The following GPC4 variants were observed in gnomAD, a reference collection of about 807,000 sequenced individuals.
GPC4 encodes glypican 4, also known as glypican-4.
Under a neutral mutation model 35.0 loss-of-function variants are expected in GPC4, and 10 were observed. That is an observed-to-expected ratio of 0.29 (90% confidence interval 0.18 to 0.48). The LOEUF (loss-of-function observed/expected upper bound fraction) is 0.48. Ranked by LOEUF, GPC4 falls within the 20% of genes least tolerant of loss-of-function variation. The pLI is 0.99. For missense variants in GPC4, 322 were observed against 451.3 expected, an observed-to-expected ratio of 0.71 and a Z score of 2.60; for synonymous variants, 167 against 170.2, an observed-to-expected ratio of 0.98 and a Z score of 0.15.
intron 1 of GPC4, among the ~76,000 whole-genome samples, chrX:133,404,479 G>A (rs767876406): frequency 9.7e-5 from 10 of 103,230 alleles, no homozygotes; most frequent in Admixed American, 6.3e-4. Context: ...CCCGGGAGGC[G>A]GAGGTTGCAG....
At chrX:133,314,510 T>G (rs2068328484) in intron 3 of GPC4, among the ~76,000 whole-genome samples, 1 of 111,767 alleles carries the variant, frequency 8.9e-6, no homozygotes, top group African/African-American at 3.3e-5. Context: ...TGGCTCATGC[T>G]CTGTACATGA....
chrX:133,304,608 G>T, intron 7 of GPC4, 117 bp downstream of exon 7: 1 of 854,772 alleles, frequency 1.2e-6, no homozygotes, highest in South Asian at 2.3e-5. Flanking sequence ...CCATGTTGTT[G>T]CTACCTACTG....
chrX:133,372,341 A>G (rs905061043), intron 1 of GPC4, among the ~76,000 whole-genome samples: 1 of 108,827 alleles, frequency 9.2e-6, no homozygotes, highest in African/African-American at 3.3e-5. Context: ...ATGTATCCTT[A>G]GGGGCTCCTT....
At chrX:133,307,076 C>CA (rs1166555115) in intron 4 of GPC4, among the ~76,000 whole-genome samples, 1 of 112,085 alleles carries the variant, frequency 8.9e-6, no homozygotes, top group Non-Finnish European at 1.9e-5. Flanking sequence ...AAGGATGCTT[C>CA]ATTAACGACA....
rs779837183 is a variant in GPC4 at position 133,300,565 on chromosome X, T to C, written c.*2302A>G. The stretch of plus-strand genomic sequence containing the variant: ...CAGACCTGAATGGAAAAATCTATGA[T>C]TTGTTTATTTCATAGTTGAAGTTCA... On this transcript the variant is annotated 3_prime_UTR_variant, in exon 9 of 9. Coordinates refer to ENST00000370828, the MANE Select transcript of GPC4 (RefSeq NM_001448.3). The C allele has an allele frequency of 9.2e-4, 103 of 112,078 alleles. No individual in the cohort carries two copies. The highest frequency in any genetic ancestry group is 3.1e-3 in the African/African-American group (96 of 30,908). 9.2% of individuals were successfully genotyped at this position (112,078 alleles called of 1,213,427 possible).
At chrX:133,370,057 C>T (rs965281405) in intron 1 of GPC4, among the ~76,000 whole-genome samples, 2 of 112,168 alleles carry the variant, frequency 1.8e-5, no homozygotes, top group East Asian at 2.8e-4. Context: ...CAAGCCAGTA[C>T]ATATGAAAAT....
At chrX:133,331,934 A>G (rs1212428493) in intron 2 of GPC4, among the ~76,000 whole-genome samples, 2 of 110,768 alleles carry the variant, frequency 1.8e-5, no homozygotes, top group Non-Finnish European at 3.8e-5. Flanking sequence ...TTGTTCCCCC[A>G]GATATTTCAG....
chrX:133,310,899 T>G (rs2068311710), intron 4 of GPC4, among the ~76,000 whole-genome samples: 1 of 109,838 alleles, frequency 9.1e-6, no homozygotes, highest in African/African-American at 3.3e-5. Flanking sequence ...GGGCTGAGGG[T>G]GAGAGGATCG....
intron 1 of GPC4, among the ~76,000 whole-genome samples, chrX:133,347,714 G>A (rs2068499845): frequency 9.0e-6 from 1 of 111,389 alleles, no homozygotes. Flanking sequence ...GTGGGGGGAC[G>A]TGTACATTAA....
intron 2 of GPC4, among the ~76,000 whole-genome samples, chrX:133,330,303 C>G (rs977643378): frequency 3.6e-5 from 4 of 111,122 alleles, no homozygotes; most frequent in African/African-American, 1.3e-4. Flanking sequence ...GTAAATGCTA[C>G]AAATCATACC....
At chrX:133,313,026 CAG>C (rs1314053782) in intron 3 of GPC4, among the ~76,000 whole-genome samples, 2 of 112,030 alleles carry the variant, frequency 1.8e-5, no homozygotes, top group African/African-American at 6.5e-5. Context: ...GAGTCAGTAT[CAG>C]AGGATTAGTG....
chrX:133,379,435 T>C (rs2068650694), intron 1 of GPC4, among the ~76,000 whole-genome samples: 1 of 111,967 alleles, frequency 8.9e-6, no homozygotes, highest in South Asian at 3.7e-4. Context: ...AGAAGTGGTG[T>C]CTTAATGGGT....
chrX:133,365,408 G>A (rs2068585557), intron 1 of GPC4, among the ~76,000 whole-genome samples: 1 of 111,872 alleles, frequency 8.9e-6, no homozygotes, highest in Non-Finnish European at 1.9e-5. Flanking sequence ...AGATAAAAAT[G>A]AGCACATTCT....
At chrX:133,405,648 G>A (rs2068784325) in intron 1 of GPC4, among the ~76,000 whole-genome samples, 2 of 111,674 alleles carry the variant, frequency 1.8e-5, no homozygotes, top group African/African-American at 6.5e-5. Context: ...AGTCTTACCT[G>A]CCTCTAACAC....
In GPC4 at chrX:133,414,489, T is replaced by C. The variant is rs1345625668; in HGVS notation, c.160+317A>G. 16 of 750,818 alleles carry C rather than the reference T, an allele frequency of 2.1e-5. No homozygotes were observed. In the African/African-American group the frequency reaches 3.8e-4, roughly 18 times the overall value. The allele number at this position is 750,818 out of a possible 1,213,427, so 61.9% of individuals were successfully genotyped here. ...TTGAGGGCCACAGTCCTCAGGGGCTTCCCGGGACGGCGAATAATGCAGGGG... is the reference window on the plus strand; with the variant it reads ...TTGAGGGCCACAGTCCTCAGGGGCTCCCCGGGACGGCGAATAATGCAGGGG... On this transcript the variant is annotated intron_variant, in intron 1 of 8. Transcript: ENST00000370828.
At chrX:133,384,379 G>GT (rs1186127566) in intron 1 of GPC4, among the ~76,000 whole-genome samples, 2 of 110,606 alleles carry the variant, frequency 1.8e-5, no homozygotes, top group Non-Finnish European at 3.8e-5. Flanking sequence ...AAAAAAAGTT[G>GT]TTTCCCCTGA....
At chrX:133,398,091 C>T (rs750953376) in intron 1 of GPC4, among the ~76,000 whole-genome samples, 1 of 111,657 alleles carries the variant, frequency 9.0e-6, no homozygotes, top group Admixed American at 9.5e-5. Flanking sequence ...TAAGCCTATA[C>T]TATTTAAAAT....
At chrX:133,372,224 T>TAAAA (rs372391787) in intron 1 of GPC4, among the ~76,000 whole-genome samples, 2 of 82,548 alleles carry the variant, frequency 2.4e-5, no homozygotes. Flanking sequence ...ACTCCGTCTT[T>TAAAA]AAAAAAAAAA....
At chrX:133,392,231 T>C (rs1044278304) in intron 1 of GPC4, among the ~76,000 whole-genome samples, 3 of 103,604 alleles carry the variant, frequency 2.9e-5, no homozygotes, top group Non-Finnish European at 5.9e-5. Flanking sequence ...AGATTCTGTC[T>C]CAAAATAAAT....
Sources: gnomAD v4.1 joint callset for allele counts (sites outside exome capture counted in the v4.1 genomes callset) on GRCh38, gnomAD v4.1.1 for gene constraint, MANE v1.5 for transcripts, NCBI Gene and HGNC (gene_info 2026-07-23, HGNC 2026-07-21) for gene names.